The following KLB variants were observed in gnomAD, a reference collection of about 807,000 sequenced individuals.
The protein encoded by KLB is beta-klotho.
Under a neutral mutation model 88.4 loss-of-function variants are expected in KLB, and 44 were observed. That is an observed-to-expected ratio of 0.50 (90% CI 0.39 to 0.64). The LOEUF (loss-of-function observed/expected upper bound fraction) is 0.64. Ranked by LOEUF, KLB falls within the 30% of genes least tolerant of loss-of-function variation. The probability of loss-of-function intolerance (pLI) is 0.00; values close to 1 mark genes in which losing one functional copy is unlikely to be tolerated. For synonymous variants in KLB, 548 were observed against 513.4 expected, an observed-to-expected ratio of 1.07 and a Z score of -0.91; for missense variants, 1,137 against 1,304.8, an observed-to-expected ratio of 0.87 and a Z score of 1.98.
intron 1 of KLB, among the ~76,000 whole-genome samples, chr4:39,416,857 T>C (rs1358992856): frequency 6.6e-6 from 1 of 152,184 alleles, no homozygotes; most frequent in African/African-American, 2.4e-5. Context: ...AAGCCTTCTT[T>C]GCCAACGGAC....
At chr4:39,432,116 A>G (rs1743378389) in intron 1 of KLB, among the ~76,000 whole-genome samples, 1 of 152,080 alleles carries the variant, frequency 6.6e-6, no homozygotes. Context: ...GTGGAGCCCC[A>G]CCTCTACTAA....
At chr4:39,439,754 G>C (rs11731343) in intron 3 of KLB, among the ~76,000 whole-genome samples, 15,256 of 151,660 alleles carry the variant, frequency 0.1, 850 homozygotes, top group African/African-American at 0.13. Context: ...TGCAACCTTC[G>C]CCTCCTGGGT....
intron 2 of KLB, among the ~76,000 whole-genome samples, chr4:39,436,794 C>T (rs1743481455): frequency 6.6e-6 from 1 of 151,950 alleles, no homozygotes; most frequent in African/African-American, 2.4e-5. Flanking sequence ...ACTGCAATCT[C>T]CACCTCCTGT....
In KLB at chr4:39,424,485, G is replaced by A. The variant is rs1366540990; in HGVS notation, c.826-9725G>A. 1.3e-5 allele frequency among the ~76,000 whole-genome samples: 2 copies of A among 151,698 alleles called. 1 individual carries two copies. Among genetic ancestry groups the A allele is most frequent in the African/African-American group, 4.9e-5 (2 of 41,008 alleles). ...GCAACTAGGCTCCCTGACCCACCCA[G>A]GGCATTTCTAGGGACGTAGGTAAGC... On this transcript the variant is annotated intron_variant, in intron 1 of 4. Coordinates refer to ENST00000257408, the MANE Select transcript of KLB (RefSeq NM_175737.4).
intron 2 of KLB, among the ~76,000 whole-genome samples, chr4:39,435,423 T>A (rs79358070): frequency 7.3e-6 from 1 of 137,830 alleles, no homozygotes; most frequent in Non-Finnish European, 1.6e-5. Context: ...CAGCCTGAAA[T>A]TTTTTTTTCT....
intron 1 of KLB, among the ~76,000 whole-genome samples, chr4:39,429,351 T>G (rs1743289057): frequency 6.6e-6 from 1 of 152,210 alleles, no homozygotes; most frequent in Non-Finnish European, 1.5e-5. Context: ...TCCTAATCCC[T>G]TCTTCATCTA....
At chr4:39,424,500 C>T (rs561161274) in intron 1 of KLB, among the ~76,000 whole-genome samples, 7 of 151,828 alleles carry the variant, frequency 4.6e-5, no homozygotes, top group African/African-American at 9.7e-5. Flanking sequence ...TTTCTAGGGA[C>T]GTAGGTAAGC....
rs182495920 is a variant in KLB, at chr4:39,424,723, C to T, written c.826-9487C>T. 1.1e-4 allele frequency among the ~76,000 whole-genome samples: 15 copies of T among 142,804 alleles called. No individual in the cohort carries two copies. In the East Asian group the frequency reaches 3.1e-3, roughly 30 times the overall value. 93.7% of individuals were successfully genotyped at this position (142,804 alleles called of 152,430 possible). A position where few individuals can be genotyped will look rare whatever the true frequency, so the allele number is the denominator to read the frequency against. ...CTCGGCTCACTGCAACCTTTGCATC[C>T]CGGGTTCAAGCGATTCTGTTTCAGC... On this transcript the variant is annotated intron_variant, in intron 1 of 4. Coordinates refer to ENST00000257408, the MANE Select transcript of KLB (RefSeq NM_175737.4).
chr4:39,430,059 GAT>G (rs1743311191), intron 1 of KLB, among the ~76,000 whole-genome samples: 1 of 152,240 alleles, frequency 6.6e-6, no homozygotes, highest in Non-Finnish European at 1.5e-5. Context: ...CTACTGCAAA[GAT>G]ATGTCTTCTG....
Position 39,434,537 on chromosome 4 carries a change from A to G in KLB, c.1153A>G (p.Met385Val), listed in dbSNP as rs1743429383. 5 of 1,614,188 alleles carry G rather than the reference A, an allele frequency of 3.1e-6. No individual in the cohort carries two copies. The highest frequency in any genetic ancestry group is 2.2e-5 in the South Asian group (2 of 91,084). Residue 385 changes from methionine (M) to valine (V), a missense_variant, in exon 2 of 5, where the codon ATG becomes GTG. Physicochemically the swap from Met to Val is conservative, Grantham distance 21. Transcript: ENST00000257408. Reference sequence around the variant, plus strand: ...CAACAACTTCAAGCCCCTAAACACCATGGCTAAAATGGGACAAAATGTTTC... The same window carrying G: ...CAACAACTTCAAGCCCCTAAACACCGTGGCTAAAATGGGACAAAATGTTTC... ...GPNNFKPLNT[M>V]AKMGQNVSLN...
At chr4:39,448,162 T>C (rs1743803008) in intron 4 of KLB, 139 bp from the exon 5 acceptor site, 4 of 610,742 alleles carry the variant, frequency 6.5e-6, no homozygotes, top group South Asian at 2.6e-5. Context: ...AAAGAATAAA[T>C]GTCAAAAAAA....
At chr4:39,413,662 T>C (rs1742907685) in intron 1 of KLB, among the ~76,000 whole-genome samples, 1 of 151,332 alleles carries the variant, frequency 6.6e-6, no homozygotes, top group Admixed American at 6.6e-5. Context: ...AGGTCAAGGC[T>C]GCAAGGAGCT....
chr4:39,448,276 A>T, intron 4 of KLB, 25 bp from the exon 5 acceptor site: 1 of 1,504,044 alleles, frequency 6.6e-7, no homozygotes, highest in Non-Finnish European at 9.0e-7. Flanking sequence ...ATTTGTGATT[A>T]ATGTTAATTT....
Position 39,434,361 on chromosome 4 carries a change from T to C in KLB, c.977T>C (p.Val326Ala). The change falls in exon 2 of 5, where the codon GTG (valine) becomes GCG (alanine). Residue 326 changes from valine to alanine, a missense_variant. Coordinates refer to ENST00000257408, the MANE Select transcript of KLB (RefSeq NM_175737.4). ...IFKCQQSMVS[V>A]LGWFANPIHG... ...AAATGTCAACAATCCATGGTTTCTG[T>C]GCTTGGATGGTTTGCCAACCCTATC... The C allele has an allele frequency of 1.9e-6, 3 of 1,614,124 alleles. No individual in the cohort carries two copies. The highest frequency in any genetic ancestry group is 2.5e-6 in the Non-Finnish European group (3 of 1,180,012).
chr4:39,444,788 G>A (rs925181137), intron 3 of KLB, among the ~76,000 whole-genome samples: 8 of 152,060 alleles, frequency 5.3e-5, no homozygotes, highest in African/African-American at 1.7e-4. Context: ...AATTATATAC[G>A]GATTTAACTT....
Position 39,448,559 on chromosome 4 carries a change from G to C in KLB, c.3008G>C (p.Cys1003Ser). The C allele has an allele frequency of 2.5e-6, 4 of 1,614,176 alleles. No individual in the cohort carries two copies. The highest frequency in any genetic ancestry group is 3.4e-6 in the Non-Finnish European group (4 of 1,180,034). Residue 1003 changes from cysteine (C) to serine (S), a missense_variant, in exon 5 of 5, where the codon TGC becomes TCC. Cys to Ser is a moderately radical substitution (Grantham distance 112). Transcript: ENST00000257408. Reference protein sequence around the residue: ...QKKPLIFLGCCFFSTLVLLLS... With the variant: ...QKKPLIFLGCSFFSTLVLLLS... ...AAACCACTGATATTCCTGGGTTGTT[G>C]CTTCTTCTCCACCCTGGTTCTACTC...
intron 1 of KLB, among the ~76,000 whole-genome samples, chr4:39,410,904 A>T (rs1261246700): frequency 6.6e-6 from 1 of 152,192 alleles, no homozygotes; most frequent in Admixed American, 6.5e-5. Flanking sequence ...AGGAAACCTG[A>T]ATGGTCCAGA....
intron 2 of KLB, among the ~76,000 whole-genome samples, chr4:39,437,413 G>A (rs1023004748): frequency 1.3e-5 from 2 of 152,158 alleles, no homozygotes; most frequent in Admixed American, 6.5e-5. Flanking sequence ...TTGTCCCAAA[G>A]AGTTCTGGAA....
At chr4:39,441,427 A>G (rs1369144701) in intron 3 of KLB, among the ~76,000 whole-genome samples, 1 of 152,184 alleles carries the variant, frequency 6.6e-6, no homozygotes, top group Non-Finnish European at 1.5e-5. Flanking sequence ...CAGGAGATAT[A>G]AGAGTTTCTT....
Sources: allele counts gnomAD v4.1 joint callset (sites outside exome capture counted in the v4.1 genomes callset), GRCh38; gene constraint gnomAD v4.1.1; transcripts MANE v1.5; gene names NCBI Gene and HGNC (gene_info 2026-07-23, HGNC 2026-07-21).